Variants in CARMIL1 observed in about 807,000 individuals in gnomAD.
CARMIL1 encodes capping protein regulator and myosin 1 linker 1.
Under a neutral mutation model 177.1 loss-of-function variants are expected in CARMIL1, and 90 were observed. The observed-to-expected ratio is 0.51, with a 90% CI of 0.43 to 0.61. The LOEUF is 0.61. Ranked by LOEUF, CARMIL1 falls within the 20% of genes least tolerant of loss-of-function variation. CARMIL1 has a pLI of 0.00. For missense variants in CARMIL1, 1,380 were observed against 1,667.0 expected (o/e 0.83, Z 3.00); for synonymous variants, 577 against 606.2 (o/e 0.95, Z 0.71).
At chr6:25,451,986 G>GGC in intron 8 of CARMIL1, 7 of 112,672 alleles carry the variant, frequency 6.2e-5, no homozygotes, top group East Asian at 4.0e-4. Context: ...CTAGCATCTT[G>GGC]CCCCCCCCTC....
chr6:25,442,682 T>C (rs1395489244), intron 5 of CARMIL1, among the ~76,000 whole-genome samples: 1 of 152,160 alleles, frequency 6.6e-6, no homozygotes, highest in East Asian at 1.9e-4. Flanking sequence ...CTTATGGAAA[T>C]GAATGAACTT....
chr6:25,319,153 T>G (rs571517304), intron 2 of CARMIL1, among the ~76,000 whole-genome samples: 101 of 152,290 alleles, frequency 6.6e-4, no homozygotes, highest in African/African-American at 2.3e-3. Flanking sequence ...ATAGAAGCCT[T>G]CCTTAGCTTA....
At position 25,370,899 on chromosome 6, in the gene CARMIL1, T is replaced by A. The variant is rs548415121; in HGVS notation, c.139-49215T>A. Among the ~76,000 whole-genome samples the A allele has an allele frequency of 1.8e-3, 275 of 152,288 alleles. 2 individuals are homozygous for A. The highest frequency in any genetic ancestry group is 4.9e-3 in the African/African-American group (205 of 41,566). On this transcript the variant is annotated intron_variant, in intron 2 of 36. Transcript: ENST00000329474. The stretch of plus-strand genomic sequence containing the variant: ...TTGTACCCAATATGTAGCTTTTTTT[T>A]ATCCCTCATCTCTCTCCTCCCCTCC...
At chr6:25,594,211 G>A (rs1814595971) in intron 31 of CARMIL1, among the ~76,000 whole-genome samples, 1 of 152,196 alleles carries the variant, frequency 6.6e-6, no homozygotes, top group Non-Finnish European at 1.5e-5. Flanking sequence ...AAGGCATGGT[G>A]TTTATCGTGC....
At chr6:25,587,953 T>G (rs1358855620) in intron 31 of CARMIL1, among the ~76,000 whole-genome samples, 2 of 152,076 alleles carry the variant, frequency 1.3e-5, no homozygotes, top group Non-Finnish European at 2.9e-5. Flanking sequence ...GCATTTGAGA[T>G]TCAACCAACT....
At chr6:25,557,413 A>G (rs1218113465) in intron 29 of CARMIL1, among the ~76,000 whole-genome samples, 1 of 152,190 alleles carries the variant, frequency 6.6e-6, no homozygotes, top group Non-Finnish European at 1.5e-5. Context: ...ATCTGGCCCT[A>G]TAACTAGAGT....
intron 5 of CARMIL1, among the ~76,000 whole-genome samples, chr6:25,445,536 CTTT>C (rs1191252796): frequency 1.5e-5 from 2 of 136,588 alleles, no homozygotes; most frequent in Non-Finnish European, 3.2e-5. Context: ...AAATATATTT[CTTT>C]TTTTTTTTTT....
intron 12 of CARMIL1, among the ~76,000 whole-genome samples, chr6:25,485,844 G>A (rs1032740375): frequency 3.3e-5 from 5 of 151,354 alleles, no homozygotes; most frequent in African/African-American, 7.3e-5. Flanking sequence ...TGAAAGATTC[G>A]CAGTTTTAAA....
At chr6:25,473,409 A>G (rs565686349) in intron 11 of CARMIL1, among the ~76,000 whole-genome samples, 35 of 152,324 alleles carry the variant, frequency 2.3e-4, no homozygotes, top group Non-Finnish European at 3.5e-4. Context: ...CCTTGCCAAT[A>G]AAAAGTTGAC....
intron 2 of CARMIL1, among the ~76,000 whole-genome samples, chr6:25,315,193 GATTAT>G (rs1025053115): frequency 2.0e-5 from 3 of 152,212 alleles, no homozygotes; most frequent in Non-Finnish European, 2.9e-5. Flanking sequence ...CTATGTCTTA[GATTAT>G]AAGGACAGTG....
At chr6:25,337,931 T>G (rs988102279) in intron 2 of CARMIL1, among the ~76,000 whole-genome samples, 2 of 152,126 alleles carry the variant, frequency 1.3e-5, no homozygotes, top group Non-Finnish European at 2.9e-5. Context: ...TAATCTGGCT[T>G]TAGGAACTAA....
intron 2 of CARMIL1, among the ~76,000 whole-genome samples, chr6:25,332,010 G>GT (rs1785671574): frequency 6.6e-6 from 1 of 152,254 alleles, no homozygotes; most frequent in South Asian, 2.1e-4. Flanking sequence ...AGGGTGTTTG[G>GT]TTTTTTAAAA....
chr6:25,279,611 CT>C lies in CARMIL1; in HGVS notation c.-171del, dbSNP rs56103864. 0.52 allele frequency: 274,339 copies of C among 530,246 alleles called. 34,596 individuals carry two copies. The highest frequency in any genetic ancestry group is 0.55 in the Admixed American group (17,532 of 32,064). 32.8% of individuals were successfully genotyped at this position (530,246 alleles called of 1,614,324 possible). The stretch of plus-strand genomic sequence containing the variant: ...GCAAATCCGCCTCGCATTTGCAACT[CT>C]TTTTTTTTTTTTTGGTGGGGCGGGG... On this transcript the variant is annotated 5_prime_UTR_variant, in exon 1 of 37. Transcript: ENST00000329474.
In CARMIL1 at chr6:25,509,513, G is replaced by C; in HGVS notation, c.1396-143G>C. ...ATAGGCTCTTTACCCACTGATAATA[G>C]CTTCTTTGGAGTTGATAAGCTTTTA... On this transcript the variant is annotated intron_variant, in intron 17 of 36. Coordinates refer to ENST00000329474, the MANE Select transcript of CARMIL1 (RefSeq NM_017640.6). The surrounding 1 kb of genome is among the most constrained non-coding windows in gnomAD (Gnocchi z 4.1). 1 of 635,320 alleles carries C rather than the reference G, an allele frequency of 1.6e-6. No homozygotes were observed. Among genetic ancestry groups the C allele is most frequent in the South Asian group, 1.9e-5 (1 of 53,558 alleles). 39.4% of individuals were successfully genotyped at this position (635,320 alleles called of 1,614,324 possible). A position where few individuals can be genotyped will look rare whatever the true frequency, so the allele number is the denominator to read the frequency against.
In CARMIL1 at chr6:25,537,903, C is replaced by T. The variant is rs778621503; in HGVS notation, c.2116C>T (p.Arg706Ter). 4.4e-6 allele frequency: 7 copies of T among 1,609,090 alleles called. No homozygotes were observed. The highest frequency in any genetic ancestry group is 4.0e-5 in the African/African-American group (3 of 74,832). ...VKVQDHLNSLRNCGGDAIQED... is the reference protein window; with the variant it reads ...VKVQDHLNSL ...AGTACAAGATCATCTCAACTCCTTA[C>T]GAAATTGTGGGGGAGACGCTATCCA... Residue 706 changes from arginine to a stop codon, truncating the protein, a stop_gained, in exon 25 of 37, where the codon CGA (arginine) becomes TGA (stop). Transcript: ENST00000329474. LOFTEE classifies it high-confidence loss of function.
chr6:25,413,231 G>A (rs1315476504), intron 2 of CARMIL1, among the ~76,000 whole-genome samples: 3 of 152,206 alleles, frequency 2.0e-5, no homozygotes, highest in African/African-American at 4.8e-5. Context: ...TATTAAGAGG[G>A]GGAATGATGG....
intron 29 of CARMIL1, among the ~76,000 whole-genome samples, chr6:25,573,302 TTTTCA>T (rs1334777324): frequency 2.6e-5 from 4 of 152,180 alleles, no homozygotes; most frequent in African/African-American, 9.7e-5. Flanking sequence ...ATGAAAACCA[TTTTCA>T]TTTCATTAAA....
intron 23 of CARMIL1, among the ~76,000 whole-genome samples, chr6:25,525,695 G>A (rs1807024765): frequency 6.6e-6 from 1 of 152,154 alleles, no homozygotes; most frequent in Non-Finnish European, 1.5e-5. Context: ...ACAATATTCT[G>A]TTATAAGTTA....
Position 25,449,946 on chromosome 6 carries a change from T to C in CARMIL1, c.420T>C (p.Ser140=). 1 of 1,612,154 alleles carries C rather than the reference T, an allele frequency of 6.2e-7. No individual in the cohort carries two copies. Among genetic ancestry groups the C allele is most frequent in the Non-Finnish European group, 8.5e-7 (1 of 1,178,832 alleles). ...VSMEPSERLA[S]LQALWDSQTV... is the part of the protein sequence containing the mutation. ...TGGAGCCATCTGAGCGCCTGGCTAG[T>C]CTCCAGGCGCTGTGGGACAGCCAGA... The change falls in exon 6 of 37, where the codon AGT becomes AGC. Residue 140 remains serine (S), a synonymous_variant. Coordinates refer to ENST00000329474, the MANE Select transcript of CARMIL1 (RefSeq NM_017640.6).
Sources: gnomAD v4.1 joint callset for allele counts (sites outside exome capture counted in the v4.1 genomes callset) on GRCh38, gnomAD v4.1.1 for gene constraint, Gnocchi (gnomAD v3.1) non-coding constraint, MANE v1.5 for transcripts, NCBI Gene and HGNC (gene_info 2026-07-23, HGNC 2026-07-21) for gene names.